KIF13A: variants seen among roughly 807,000 people sequenced by gnomAD.
KIF13A encodes the protein kinesin family member 13A.
In KIF13A, 79 loss-of-function variants were observed where a neutral mutation model predicts 212.2. That is an observed-to-expected ratio of 0.37 (90% CI 0.31 to 0.45). The LOEUF is 0.45. Ranked by LOEUF, KIF13A falls within the 20% of genes least tolerant of loss-of-function variation. The probability of loss-of-function intolerance (pLI) is 1.00; values close to 1 mark genes in which losing one functional copy is unlikely to be tolerated. For missense variants in KIF13A, 1,901 were observed against 2,209.0 expected (o/e 0.86, Z 2.79); for synonymous variants, 789 against 808.6 (o/e 0.98, Z 0.41).
rs772803256 is a variant in KIF13A at position 17,836,966 on chromosome 6, G to T, written c.1067C>A (p.Ala356Asp). Residue 356 changes from alanine (A) to aspartate (D), a missense_variant, in exon 11 of 39, where the codon GCT becomes GAT. Physicochemically the swap from Ala to Asp is moderately radical, Grantham distance 126. This residue lies in a region of KIF13A where 506 missense variants were observed against 637.4 expected (regional missense o/e 0.79). Transcript: ENST00000259711. ...TGCGTTGGGGTCCTCATTCACAACA[G>T]CATGGTTCACAATCCTTTTGGCTCG... ...ADRAKRIVNHAVVNEDPNAKV... is the reference protein window; with the variant it reads ...ADRAKRIVNHDVVNEDPNAKV... The T allele has an allele frequency of 6.2e-7, 1 of 1,613,940 alleles. No individual in the cohort carries two copies. The highest frequency in any genetic ancestry group is 8.5e-7 in the Non-Finnish European group (1 of 1,179,886).
At chr6:17,841,088 TTTTTTTTC>T (rs1039031744) in intron 9 of KIF13A, among the ~76,000 whole-genome samples, 1 of 134,554 alleles carries the variant, frequency 7.4e-6, no homozygotes, top group Non-Finnish European at 1.6e-5. Context: ...CCTTTTTTTT[TTTTTTTTC>T]CAAAGACAGG....
intron 16 of KIF13A, chr6:17,821,984 C>A (rs1224327051): frequency 6.9e-7 from 1 of 1,459,584 alleles, no homozygotes; most frequent in Admixed American, 2.1e-5. Flanking sequence ...TGTGTGTATG[C>A]CCCAAAGGGA....
At chr6:17,770,360 G>GTTTTTTTTTTTT (rs1486324465) in intron 38 of KIF13A, 7 of 59,180 alleles carry the variant, frequency 1.2e-4, no homozygotes, top group African/African-American at 1.8e-4. Flanking sequence ...GAATAAACAG[G>GTTTTTTTTTTTT]ATTTTTTTTT....
At chr6:17,906,957 A>T (rs1379763828) in intron 2 of KIF13A, among the ~76,000 whole-genome samples, 1 of 152,180 alleles carries the variant, frequency 6.6e-6, no homozygotes, top group Non-Finnish European at 1.5e-5. Flanking sequence ...GTGAGATAAG[A>T]TGCTACAGTC....
chr6:17,792,558 T>C (rs2150321639), intron 25 of KIF13A, among the ~76,000 whole-genome samples: 1 of 152,238 alleles, frequency 6.6e-6, no homozygotes, highest in South Asian at 2.1e-4. Flanking sequence ...GATGGCTAAG[T>C]GAAGGACTGA....
At chr6:17,863,791 GTTTT>G (rs896944663) in intron 4 of KIF13A, among the ~76,000 whole-genome samples, 10 of 151,622 alleles carry the variant, frequency 6.6e-5, no homozygotes, top group South Asian at 2.1e-4. Flanking sequence ...AAGGATTTTT[GTTTT>G]TTTTGTTTTG....
At chr6:17,867,516 G>A (rs1769522292) in intron 4 of KIF13A, among the ~76,000 whole-genome samples, 1 of 152,176 alleles carries the variant, frequency 6.6e-6, no homozygotes, top group Non-Finnish European at 1.5e-5. Context: ...GGCACTTGCT[G>A]AGTGCTTCAT....
At chr6:17,920,340 A>C (rs1016062621) in intron 2 of KIF13A, among the ~76,000 whole-genome samples, 1 of 152,204 alleles carries the variant, frequency 6.6e-6, no homozygotes, top group South Asian at 2.1e-4. Context: ...AGGAGAGAGG[A>C]TAGGAAGAAC....
At chr6:17,792,024 A>G (rs1483589194) in intron 25 of KIF13A, among the ~76,000 whole-genome samples, 1 of 151,850 alleles carries the variant, frequency 6.6e-6, no homozygotes, top group Non-Finnish European at 1.5e-5. Flanking sequence ...CAACATGATG[A>G]AACCCCTATC....
intron 25 of KIF13A, among the ~76,000 whole-genome samples, chr6:17,793,415 T>G (rs965982236): frequency 6.6e-6 from 1 of 152,010 alleles, no homozygotes; most frequent in African/African-American, 2.4e-5. Context: ...TTTCATGGAG[T>G]ACTGAATAGT....
rs974886063 is a variant in KIF13A, at chr6:17,888,115, C to A, written c.159+10053G>T. 6.6e-6 allele frequency among the ~76,000 whole-genome samples: 1 copy of A among 152,096 alleles called. No individual in the cohort carries two copies. Among genetic ancestry groups the A allele is most frequent in the East Asian group, 1.9e-4 (1 of 5,194 alleles). On this transcript the variant is annotated intron_variant, in intron 3 of 38. Transcript: ENST00000259711. This position sits in a 1 kb window ranked among gnomAD's most constrained non-coding sequence, Gnocchi z 4.8. ...ATGAAGCCTTCTTCCTCAGAAGACA[C>A]AAGACACAAAGTACTGAAGTAGTGA...
chr6:17,800,199 A>G, intron 20 of KIF13A, 86 bp from the exon 21 acceptor site: 1 of 1,284,862 alleles, frequency 7.8e-7, no homozygotes, highest in East Asian at 2.5e-5. Flanking sequence ...TCTACAGTGA[A>G]CCTGGAGAGG....
In KIF13A at chr6:17,833,843, G is replaced by A. The variant is rs1175339777; in HGVS notation, c.1266+118C>T. On this transcript the variant is annotated intron_variant, in intron 12 of 38. Coordinates refer to ENST00000259711, the MANE Select transcript of KIF13A (RefSeq NM_022113.6). Reference sequence around the variant, plus strand: ...TGCACCCCAGCCTGGGCGACAGAGTGAGACTCCGTCTCAAAAAAAAAAAAA... The same window carrying A: ...TGCACCCCAGCCTGGGCGACAGAGTAAGACTCCGTCTCAAAAAAAAAAAAA... The A allele has an allele frequency of 6.3e-5, 32 of 504,306 alleles. 2 individuals carry two copies. The South Asian group carries it at 7.2e-4, about 11-fold the overall frequency. The allele number at this position is 504,306 out of a possible 1,614,324, so 31.2% of individuals were successfully genotyped here.
chr6:17,870,250 A>G (rs185745879), intron 4 of KIF13A, among the ~76,000 whole-genome samples: 3 of 152,344 alleles, frequency 2.0e-5, no homozygotes, highest in Admixed American at 1.3e-4. Context: ...AGCTGGCAGA[A>G]GCCAATTTCA....
At chr6:17,946,361 A>G (rs1469869826) in intron 2 of KIF13A, among the ~76,000 whole-genome samples, 4 of 152,278 alleles carry the variant, frequency 2.6e-5, no homozygotes, top group Admixed American at 6.5e-5. Context: ...CAGAATCCAC[A>G]AACTGGAAAA....
chr6:17,846,041 C>CATTT (rs1767005008), intron 9 of KIF13A, among the ~76,000 whole-genome samples: 2 of 83,264 alleles, frequency 2.4e-5, no homozygotes, highest in South Asian at 5.1e-4. Context: ...GGAACTCAAC[C>CATTT]TTTTTTTTTT....
rs1171555460 is a variant in KIF13A at position 17,888,267 on chromosome 6, T to A, written c.159+9901A>T. On this transcript the variant is annotated intron_variant, in intron 3 of 38. Transcript: ENST00000259711. The surrounding 1 kb of genome is among the most constrained non-coding windows in gnomAD (Gnocchi z 4.8). Reference sequence around the variant, plus strand: ...GTCACTCTTGAGCCTAGGAAACAATTCCTAGGAAAAACGTATAGTGAGAAG... The same window carrying A: ...GTCACTCTTGAGCCTAGGAAACAATACCTAGGAAAAACGTATAGTGAGAAG... Among the ~76,000 whole-genome samples, 2 of 152,156 alleles carry A rather than the reference T, an allele frequency of 1.3e-5. No homozygotes were observed. The highest frequency in any genetic ancestry group is 3.8e-4 in the East Asian group (2 of 5,196).
intron 29 of KIF13A, among the ~76,000 whole-genome samples, chr6:17,781,784 G>A (rs765512805): frequency 1.3e-4 from 19 of 151,838 alleles, no homozygotes; most frequent in Non-Finnish European, 2.5e-4. Context: ...ACACCACTAT[G>A]CCTGGCTAAT....
chr6:17,777,191 A>G lies in KIF13A; in HGVS notation c.4170+86T>C, dbSNP rs1319755726. On this transcript the variant is annotated intron_variant, in intron 34 of 38. Transcript: ENST00000259711. The surrounding 1 kb of genome is among the most constrained non-coding windows in gnomAD (Gnocchi z 4.4). The stretch of plus-strand genomic sequence containing the variant: ...TGCCCACACCAGTTCCATAAGCTCT[A>G]CTGCCACTGTGTGAATCCCACCTTC... 4 of 1,029,020 alleles carry G rather than the reference A, an allele frequency of 3.9e-6. No homozygotes were observed. 63.7% of individuals were successfully genotyped at this position (1,029,020 alleles called of 1,614,324 possible).
Sources: gnomAD v4.1 joint callset for allele counts (sites outside exome capture counted in the v4.1 genomes callset) on GRCh38, gnomAD v4.1.1 for gene constraint, gnomAD v4.1.1 regional missense constraint, Gnocchi (gnomAD v3.1) non-coding constraint, MANE v1.5 for transcripts, NCBI Gene and HGNC (gene_info 2026-07-23, HGNC 2026-07-21) for gene names.